The following THSD4 variants were observed in gnomAD, a reference collection of about 807,000 sequenced individuals.
THSD4 encodes thrombospondin type-1 domain-containing protein 4.
A neutral mutation model predicts 119.0 loss-of-function variants in THSD4; 69 were observed. That is an observed-to-expected ratio of 0.58 (90% confidence interval 0.48 to 0.71). The LOEUF (loss-of-function observed/expected upper bound fraction) is 0.71, where lower values mean the gene tolerates loss of function less well. Ranked by LOEUF, THSD4 falls within the 30% of genes least tolerant of loss-of-function variation. THSD4 has a pLI of 0.00. For synonymous variants in THSD4, 524 were observed against 540.4 expected (o/e 0.97, Z 0.42); for missense variants, 1,393 against 1,391.1 (o/e 1.00, Z -0.02).
chr15:71,436,906 G>C (rs2047021129), intron 7 of THSD4, among the ~76,000 whole-genome samples: 2 of 152,206 alleles, frequency 1.3e-5, no homozygotes, highest in Admixed American at 1.3e-4. Context: ...CCACAGAGCA[G>C]ACAATGGCTG....
At chr15:71,519,903 A>C (rs1337540332) in intron 7 of THSD4, among the ~76,000 whole-genome samples, 2 of 152,140 alleles carry the variant, frequency 1.3e-5, no homozygotes, top group Admixed American at 1.3e-4. Context: ...AGGTCCAGGG[A>C]GTAGGCAAAA....
chr15:71,418,708 C>G (rs1018485443), intron 7 of THSD4, among the ~76,000 whole-genome samples: 2 of 108,756 alleles, frequency 1.8e-5, no homozygotes, highest in African/African-American at 6.2e-5. Context: ...AGTATTCCCT[C>G]CTCCTTTATT....
At chr15:71,364,591 G>A (rs554906949) in intron 6 of THSD4, among the ~76,000 whole-genome samples, 14 of 152,328 alleles carry the variant, frequency 9.2e-5, no homozygotes, top group African/African-American at 3.4e-4. Context: ...GGGTTCAAGA[G>A]GGCTTCATAG....
intron 3 of THSD4, among the ~76,000 whole-genome samples, chr15:71,192,386 G>A (rs1275695170): frequency 6.6e-6 from 1 of 152,110 alleles, no homozygotes; most frequent in Non-Finnish European, 1.5e-5. Context: ...AGGTTCAAGT[G>A]ATTCTCTTGC....
intron 7 of THSD4, among the ~76,000 whole-genome samples, chr15:71,501,633 A>G (rs2140730290): frequency 6.6e-6 from 1 of 152,356 alleles, no homozygotes; most frequent in African/African-American, 2.4e-5. Context: ...GACTTAATTA[A>G]CTAAACCTTG....
chr15:71,224,692 T>C (rs923916139), intron 4 of THSD4, among the ~76,000 whole-genome samples: 1 of 152,180 alleles, frequency 6.6e-6, no homozygotes, highest in Admixed American at 6.5e-5. Flanking sequence ...GGAGAAACCG[T>C]GCCCTTCCCT....
chr15:71,720,751 C>T (rs552289774), intron 8 of THSD4, among the ~76,000 whole-genome samples: 63 of 152,326 alleles, frequency 4.1e-4, no homozygotes, highest in African/African-American at 1.5e-3. Flanking sequence ...GCAAAGAAGC[C>T]AGGCTTCTGA....
rs113499906 is a variant in THSD4 at position 71,578,254 on chromosome 15, G to C, written c.1153-82276G>C. 4.8e-3 allele frequency among the ~76,000 whole-genome samples: 729 copies of C among 151,630 alleles called. 6 individuals carry two copies. Among genetic ancestry groups the C allele is most frequent in the African/African-American group, 0.017 (687 of 41,350 alleles). On this transcript the variant is annotated intron_variant, in intron 7 of 17. Transcript: ENST00000261862. ...GCACTGGTGCATCTTGTAAGCGGCAGTGTAGACTCCAGGTGGTTATCTTGG... is the reference window on the plus strand; with the variant it reads ...GCACTGGTGCATCTTGTAAGCGGCACTGTAGACTCCAGGTGGTTATCTTGG...
intron 14 of THSD4, 97 bp downstream of exon 14, chr15:71,748,691 G>T: frequency 6.9e-7 from 1 of 1,440,412 alleles, no homozygotes. Flanking sequence ...TCCCAAGACT[G>T]ATTTCTGGCT....
At chr15:71,264,739 G>A (rs1255379569) in intron 6 of THSD4, among the ~76,000 whole-genome samples, 3 of 152,154 alleles carry the variant, frequency 2.0e-5, no homozygotes, top group African/African-American at 4.8e-5. Context: ...TAAGGAAGCA[G>A]GGGAAAGAGT....
intron 7 of THSD4, among the ~76,000 whole-genome samples, chr15:71,566,631 T>C (rs1158067806): frequency 6.6e-6 from 1 of 152,216 alleles, no homozygotes; most frequent in East Asian, 1.9e-4. Flanking sequence ...ATCCCTACCT[T>C]TCCTACCCTG....
At chr15:71,753,770 G>A (rs1313960694) in intron 14 of THSD4, among the ~76,000 whole-genome samples, 1 of 152,240 alleles carries the variant, frequency 6.6e-6, no homozygotes, top group Non-Finnish European at 1.5e-5. Context: ...TCCTGGACCA[G>A]GTCGTGAGTG....
At chr15:71,156,435 A>G (rs2040778274) in intron 3 of THSD4, among the ~76,000 whole-genome samples, 1 of 151,612 alleles carries the variant, frequency 6.6e-6, no homozygotes, top group Admixed American at 6.6e-5. Context: ...TTTTTTTTGT[A>G]TGATCAGTAG....
intron 7 of THSD4, among the ~76,000 whole-genome samples, chr15:71,549,293 A>G (rs1002484109): frequency 6.6e-6 from 1 of 152,154 alleles, no homozygotes; most frequent in Non-Finnish European, 1.5e-5. Flanking sequence ...TGCTAAGTAA[A>G]GATCCTCTTG....
chr15:71,108,601 C>T (rs2040283849), intron 1 of THSD4, among the ~76,000 whole-genome samples: 3 of 152,154 alleles, frequency 2.0e-5, no homozygotes, highest in Admixed American at 1.3e-4. Flanking sequence ...AGCTCAAGGC[C>T]CACCAGATGG....
intron 7 of THSD4, among the ~76,000 whole-genome samples, chr15:71,602,513 G>T (rs540804100): frequency 8.6e-6 from 1 of 116,768 alleles, no homozygotes; most frequent in African/African-American, 3.2e-5. Context: ...AGATCACATC[G>T]TTGCACTCCA....
At chr15:71,199,877 GTGGTGCATGTGTGGTATGTGT>G (rs2043780728) in intron 3 of THSD4, among the ~76,000 whole-genome samples, 1 of 49,548 alleles carries the variant, frequency 2.0e-5, no homozygotes. Flanking sequence ...GTGTGTGTGT[GTGGTGCATGTGTGGTATGTGT>G]GTGTGGTGCA....
intron 7 of THSD4, among the ~76,000 whole-genome samples, chr15:71,637,314 T>C (rs1159134702): frequency 1.3e-5 from 2 of 152,206 alleles, no homozygotes; most frequent in Non-Finnish European, 2.9e-5. Context: ...CTTAAAACAT[T>C]TGGCTTTCAG....
chr15:71,761,860 T>C (rs545585497), intron 15 of THSD4, among the ~76,000 whole-genome samples: 1 of 152,342 alleles, frequency 6.6e-6, no homozygotes, highest in African/African-American at 2.4e-5. Flanking sequence ...GATGACTCAC[T>C]GCTTCCTCTT....
Sources: gnomAD v4.1 joint callset for allele counts (sites outside exome capture counted in the v4.1 genomes callset) on GRCh38, gnomAD v4.1.1 for gene constraint, MANE v1.5 for transcripts, NCBI Gene and HGNC (gene_info 2026-07-23, HGNC 2026-07-21) for gene names.